The following PARD3 variants were observed in gnomAD, a reference collection of about 807,000 sequenced individuals.
PARD3 encodes the protein partitioning defective 3 homolog.
A neutral mutation model predicts 155.4 loss-of-function variants in PARD3; 75 were observed. That is an observed-to-expected ratio of 0.48 (90% CI 0.40 to 0.58). The LOEUF is 0.58. Among genes scored for constraint, PARD3 ranks in the 20% least tolerant of loss-of-function variants. The pLI is 0.00. For synonymous variants in PARD3, 576 were observed against 610.5 expected (o/e 0.94, Z 0.83); for missense variants, 1,642 against 1,721.7 (o/e 0.95, Z 0.82).
intron 1 of PARD3, among the ~76,000 whole-genome samples, chr10:34,798,356 G>T (rs1007374411): frequency 6.6e-6 from 1 of 151,424 alleles, no homozygotes; most frequent in South Asian, 2.1e-4. Flanking sequence ...AGAAGGAGAA[G>T]GAGAAAGGAG....
At chr10:34,566,273 A>G (rs1264502190) in intron 2 of PARD3, among the ~76,000 whole-genome samples, 2 of 152,262 alleles carry the variant, frequency 1.3e-5, no homozygotes, top group African/African-American at 2.4e-5. Flanking sequence ...GGACATTTCT[A>G]TACAAGTCAT....
At chr10:34,429,890 C>G (rs1225427204) in intron 5 of PARD3, among the ~76,000 whole-genome samples, 2 of 152,062 alleles carry the variant, frequency 1.3e-5, no homozygotes, top group African/African-American at 2.4e-5. Flanking sequence ...CAGCCTAACC[C>G]AGTTATTTTT....
At chr10:34,418,034 A>C (rs1845835857) in intron 5 of PARD3, among the ~76,000 whole-genome samples, 1 of 152,170 alleles carries the variant, frequency 6.6e-6, no homozygotes, top group African/African-American at 2.4e-5. Context: ...ATTTGTCCTA[A>C]CTCTGAAAAA....
chr10:34,276,796 C>G (rs1955905074), intron 21 of PARD3, among the ~76,000 whole-genome samples: 1 of 152,070 alleles, frequency 6.6e-6, no homozygotes, highest in African/African-American at 2.4e-5. Flanking sequence ...AGTTACATAC[C>G]AAATACCTCC....
chr10:34,620,391 C>G (rs754523491), intron 2 of PARD3, among the ~76,000 whole-genome samples: 7 of 152,168 alleles, frequency 4.6e-5, no homozygotes, highest in Non-Finnish European at 1.0e-4. Flanking sequence ...TCCTCATTCC[C>G]CCATCTGAAA....
intron 20 of PARD3, among the ~76,000 whole-genome samples, chr10:34,287,813 G>C (rs1956473173): frequency 6.6e-6 from 1 of 152,092 alleles, no homozygotes; most frequent in Non-Finnish European, 1.5e-5. Context: ...ACTGTGTTTG[G>C]TATTAAAATA....
intron 3 of PARD3, among the ~76,000 whole-genome samples, chr10:34,493,632 T>G (rs1019240531): frequency 6.6e-6 from 1 of 151,604 alleles, no homozygotes; most frequent in Non-Finnish European, 1.5e-5. Flanking sequence ...CTCGGGAGGC[T>G]GAAGCAGTAG....
intron 1 of PARD3, among the ~76,000 whole-genome samples, chr10:34,814,068 G>A (rs148300427): frequency 0.018 from 2,710 of 152,250 alleles, 40 homozygotes; most frequent in Middle Eastern, 0.054. Context: ...CGGCCCCGCA[G>A]CCCAGCCACA....
chr10:34,333,764 T>C (rs1238944177), intron 18 of PARD3, among the ~76,000 whole-genome samples: 1 of 152,036 alleles, frequency 6.6e-6, no homozygotes, highest in African/African-American at 2.4e-5. Context: ...AGATCTAAAA[T>C]ATTTACCATC....
intron 2 of PARD3, among the ~76,000 whole-genome samples, chr10:34,606,353 A>G (rs1398598663): frequency 6.6e-6 from 1 of 151,952 alleles, no homozygotes; most frequent in Non-Finnish European, 1.5e-5. Flanking sequence ...GAGGAGGAGA[A>G]AGATGAGGCT....
At chr10:34,264,975 G>T (rs897666154) in intron 22 of PARD3, among the ~76,000 whole-genome samples, 1 of 152,084 alleles carries the variant, frequency 6.6e-6, no homozygotes, top group African/African-American at 2.4e-5. Flanking sequence ...GGTCTCAGAC[G>T]CTGGGCTTCA....
intron 23 of PARD3, among the ~76,000 whole-genome samples, chr10:34,130,830 GA>G (rs1214861848): frequency 4.6e-5 from 7 of 152,308 alleles, no homozygotes; most frequent in Middle Eastern, 3.4e-3. Flanking sequence ...GGAGACTGAA[GA>G]ATGAGGATCA....
chr10:34,681,602 C>T lies in PARD3; in HGVS notation c.222+14716G>A, dbSNP rs1043387831. On this transcript the variant is annotated intron_variant, in intron 2 of 24. Coordinates refer to ENST00000374788, the MANE Select transcript of PARD3 (RefSeq NM_001184785.2). ...GGAACACCACTGTTGTAGCTGCAAA[C>T]ATTTTGCTAGCATTTTCCTTTATTA... Among the ~76,000 whole-genome samples the T allele has an allele frequency of 1.1e-4, 16 of 148,636 alleles. No homozygotes were observed. In the South Asian group the frequency reaches 1.3e-3, roughly 12 times the overall value.
intron 2 of PARD3, among the ~76,000 whole-genome samples, chr10:34,573,736 AACACAC>A (rs60211169): frequency 4.0e-4 from 16 of 39,568 alleles, no homozygotes; most frequent in African/African-American, 1.0e-3. Context: ...AACAAACAAA[AACACAC>A]ACACACACAC....
chr10:34,223,552 G>A (rs1952428893), intron 22 of PARD3, among the ~76,000 whole-genome samples: 1 of 152,176 alleles, frequency 6.6e-6, no homozygotes, highest in Non-Finnish European at 1.5e-5. Context: ...CAGGGTGAGA[G>A]ATAAATTTGA....
Position 34,341,633 on chromosome 10 carries a change from G to A in PARD3, c.2402C>T (p.Ala801Val). The A allele has an allele frequency of 1.2e-6, 2 of 1,610,678 alleles. No homozygotes were observed. The highest frequency in any genetic ancestry group is 1.7e-6 in the Non-Finnish European group (2 of 1,178,542). ...TWAKAAISDSADCSLSPDVDP... is the reference protein window; with the variant it reads ...TWAKAAISDSVDCSLSPDVDP... ...CCCTGGACGATGAGCTTACCAGTCGGCTGAATCACTGATTGCAGCCTTGGC... is the reference window on the plus strand; with the variant it reads ...CCCTGGACGATGAGCTTACCAGTCGACTGAATCACTGATTGCAGCCTTGGC... The change falls in exon 16 of 25, where the codon GCC becomes GTC. Residue 801 changes from alanine (A) to valine (V), a missense_variant. By Grantham distance (64) the Ala-to-Val change is moderately conservative. Transcript: ENST00000374788.
At chr10:34,621,801 TTTC>T (rs1170648538) in intron 2 of PARD3, among the ~76,000 whole-genome samples, 1 of 152,206 alleles carries the variant, frequency 6.6e-6, no homozygotes, top group African/African-American at 2.4e-5. Context: ...GTCAGATTCT[TTTC>T]TTATTAAACC....
intron 2 of PARD3, among the ~76,000 whole-genome samples, chr10:34,597,750 C>T (rs187063537): frequency 3.2e-4 from 49 of 152,094 alleles, no homozygotes; most frequent in Admixed American, 2.3e-3. Flanking sequence ...GAGAAGATGA[C>T]GTCTCTGGGT....
intron 20 of PARD3, among the ~76,000 whole-genome samples, chr10:34,314,209 G>A (rs1484504662): frequency 6.6e-6 from 1 of 151,452 alleles, no homozygotes; most frequent in African/African-American, 2.4e-5. Context: ...AAAAAAAGAA[G>A]GAAACGTAAA....
Sources: allele counts gnomAD v4.1 joint callset (sites outside exome capture counted in the v4.1 genomes callset), GRCh38; gene constraint gnomAD v4.1.1; transcripts MANE v1.5; gene names NCBI Gene and HGNC (gene_info 2026-07-23, HGNC 2026-07-21).